Variants in ZFHX3 observed in about 807,000 individuals in gnomAD.
ZFHX3 encodes zinc finger homeobox protein 3.
In ZFHX3, 42 loss-of-function variants were observed where a neutral mutation model predicts 279.1. The ratio of observed to expected loss-of-function variants is 0.15; its 90% confidence interval spans 0.12 to 0.19. ZFHX3 has a LOEUF of 0.19. ZFHX3 is among the 10% of genes least tolerant of loss of function. The pLI, the probability that ZFHX3 is intolerant of heterozygous loss-of-function variation, is 1.00. For synonymous variants in ZFHX3, 2,293 were observed against 1,957.8 expected, an observed-to-expected ratio of 1.17 and a Z score of -4.52; for missense variants, 4,981 against 4,754.0, an observed-to-expected ratio of 1.05 and a Z score of -1.40.
intron 2 of ZFHX3, among the ~76,000 whole-genome samples, chr16:73,672,426 A>G (rs1356721498): frequency 1.3e-5 from 2 of 152,202 alleles, no homozygotes; most frequent in Admixed American, 1.3e-4. Flanking sequence ...CCATTACAAC[A>G]GCATTTCCTA....
At chr16:73,580,605 T>C (rs1275162709) in intron 2 of ZFHX3, among the ~76,000 whole-genome samples, 1 of 151,916 alleles carries the variant, frequency 6.6e-6, no homozygotes, top group Non-Finnish European at 1.5e-5. Flanking sequence ...AACGCTTTTT[T>C]TTTGGTTTCT....
At chr16:73,137,567 G>T (rs776182094) in intron 6 of ZFHX3, 1 of 152,076 alleles carries the variant, frequency 6.6e-6, no homozygotes, top group African/African-American at 2.4e-5. Context: ...AAATAAACAT[G>T]CTGCCTTTAA....
chr16:73,162,573 T>A (rs1167559963), intron 5 of ZFHX3, among the ~76,000 whole-genome samples: 1 of 152,198 alleles, frequency 6.6e-6, no homozygotes, highest in Non-Finnish European at 1.5e-5. Flanking sequence ...TGTATTCCAA[T>A]GTCATAATTA....
chr16:73,228,394 G>A (rs2012669775), intron 5 of ZFHX3, among the ~76,000 whole-genome samples: 1 of 152,182 alleles, frequency 6.6e-6, no homozygotes, highest in Admixed American at 6.5e-5. Context: ...CAGGCATGGT[G>A]GCTCACGCGT....
chr16:73,591,607 G>C (rs867269319), intron 2 of ZFHX3, among the ~76,000 whole-genome samples: 1 of 144,532 alleles, frequency 6.9e-6, no homozygotes. Context: ...GCAGGAGAAT[G>C]GTGTGAACCC....
intron 3 of ZFHX3, among the ~76,000 whole-genome samples, chr16:73,384,807 A>T (rs1862765): frequency 0.13 from 19,030 of 151,446 alleles, 2,209 homozygotes; most frequent in African/African-American, 0.3. Context: ...CCTCACCCGA[A>T]GGCAGCAATT....
chr16:73,011,190 C>G (rs1963903317), intron 1 of ZFHX3, among the ~76,000 whole-genome samples: 1 of 151,728 alleles, frequency 6.6e-6, no homozygotes, highest in South Asian at 2.1e-4. Flanking sequence ...ACCACGTTGG[C>G]CAGGCTGGTC....
intron 3 of ZFHX3, chr16:73,420,601 G>A (rs902242263): frequency 6.6e-6 from 1 of 152,116 alleles, no homozygotes; most frequent in Non-Finnish European, 1.5e-5. Flanking sequence ...TAATGACATG[G>A]CATATACTTG....
chr16:73,253,783 G>C (rs868400022), intron 5 of ZFHX3, among the ~76,000 whole-genome samples: 3 of 152,068 alleles, frequency 2.0e-5, no homozygotes, highest in African/African-American at 2.4e-5. Flanking sequence ...ATAATGCACT[G>C]TGTAGGCAAG....
Position 73,337,892 on chromosome 16 carries a change from CG to C in ZFHX3, c.-1290-19557del, listed in dbSNP as rs71156156. Among the ~76,000 whole-genome samples the C allele has an allele frequency of 2.9e-3, 227 of 79,166 alleles. 16 individuals are homozygous for C. The highest frequency in any genetic ancestry group is 6.5e-3 in the African/African-American group (169 of 25,802). The allele number at this position is 79,166 out of a possible 152,430, so 51.9% of individuals were successfully genotyped here. On this transcript the variant is annotated intron_variant, in intron 3 of 17. Coordinates refer to the ZFHX3 transcript ENST00000641206. ...TCAATAAGTCTTCATCTTCCCTTGG[CG>C]GGGGGGGGGGTCCTCATCCCCTTTT...
At chr16:73,264,520 G>C (rs1402705826) in intron 4 of ZFHX3, among the ~76,000 whole-genome samples, 1 of 151,866 alleles carries the variant, frequency 6.6e-6, no homozygotes, top group African/African-American at 2.4e-5. Flanking sequence ...AGGAAGTTCT[G>C]CTACTCTATT....
At chr16:73,385,215 C>T (rs1357622579) in intron 3 of ZFHX3, among the ~76,000 whole-genome samples, 6 of 152,092 alleles carry the variant, frequency 3.9e-5, no homozygotes, top group Admixed American at 3.3e-4. Context: ...TTATATGAGC[C>T]CACACATCCC....
chr16:72,917,565 A>G (rs761968678), intron 3 of ZFHX3, among the ~76,000 whole-genome samples: 2 of 152,234 alleles, frequency 1.3e-5, no homozygotes, highest in Non-Finnish European at 2.9e-5. Flanking sequence ...AGCTATCAAA[A>G]ATCATGTTGT....
At chr16:73,147,691 CAAAAA>C (rs56079754) in intron 5 of ZFHX3, among the ~76,000 whole-genome samples, 36 of 40,892 alleles carry the variant, frequency 8.8e-4, no homozygotes, top group Admixed American at 6.8e-3. Flanking sequence ...GACTCCGTCT[CAAAAA>C]AAAAAAAAAA....
At chr16:72,896,979 A>T (rs1447451513) in intron 3 of ZFHX3, among the ~76,000 whole-genome samples, 6 of 152,260 alleles carry the variant, frequency 3.9e-5, no homozygotes, top group Non-Finnish European at 8.8e-5. Flanking sequence ...GCACACAGGC[A>T]CACACGGCAA....
intron 5 of ZFHX3, among the ~76,000 whole-genome samples, chr16:73,179,511 A>G (rs1387961466): frequency 6.6e-6 from 1 of 152,110 alleles, no homozygotes; most frequent in East Asian, 1.9e-4. Flanking sequence ...TGCCAAATAA[A>G]TAAGTGCATT....
intron 2 of ZFHX3, among the ~76,000 whole-genome samples, chr16:73,594,264 T>C (rs1325333833): frequency 6.6e-6 from 1 of 152,138 alleles, no homozygotes; most frequent in African/African-American, 2.4e-5. Flanking sequence ...TAAAATAGCA[T>C]AAAATACATC....
chr16:73,268,658 C>A (rs1057446661), intron 4 of ZFHX3, among the ~76,000 whole-genome samples: 1 of 152,248 alleles, frequency 6.6e-6, no homozygotes, highest in Non-Finnish European at 1.5e-5. Context: ...CCAAGAATTA[C>A]AGCTAATCAC....
Position 73,057,838 on chromosome 16 carries a change from G to A in ZFHX3, c.-24+692C>T, listed in dbSNP as rs375384356. On this transcript the variant is annotated intron_variant, in intron 1 of 8. Transcript: ENST00000397992. The stretch of plus-strand genomic sequence containing the variant: ...CGCGTCGCCGGCAAGTCGAGCCCCA[G>A]CGCGGAAGGCGCTCGCCCGGCCAGC... 7.0e-4 allele frequency among the ~76,000 whole-genome samples: 106 copies of A among 150,540 alleles called. 2 individuals are homozygous for A. The East Asian group carries it at 0.02, about 29-fold the overall frequency.
Sources: gnomAD v4.1 joint callset for allele counts (sites outside exome capture counted in the v4.1 genomes callset) on GRCh38, gnomAD v4.1.1 for gene constraint, MANE v1.5 for transcripts, NCBI Gene and HGNC (gene_info 2026-07-23, HGNC 2026-07-21) for gene names.